Variants in SMOC2 observed in about 807,000 individuals in gnomAD.
SMOC2 encodes the protein SPARC related modular calcium binding 2, also known as SPARC-related modular calcium-binding protein 2.
SMOC2 carries 39 observed loss-of-function variants against 61.4 expected under a neutral mutation model. The observed-to-expected ratio is 0.64, with a 90% confidence interval of 0.49 to 0.83. The LOEUF (loss-of-function observed/expected upper bound fraction) is 0.83. Ranked by LOEUF, SMOC2 falls within the 40% of genes least tolerant of loss-of-function variation. The pLI is 0.00. For missense variants in SMOC2, 556 were observed against 592.9 expected (o/e 0.94, Z 0.65); for synonymous variants, 247 against 239.9 (o/e 1.03, Z -0.27).
chr6:168,662,010 T>C (rs1399017750), intron 11 of SMOC2, among the ~76,000 whole-genome samples: 2 of 152,242 alleles, frequency 1.3e-5, no homozygotes, highest in Non-Finnish European at 2.9e-5. Flanking sequence ...TCTGTTTCTA[T>C]TTGCGTTATG....
chr6:168,648,792 T>C (rs1392737113), intron 9 of SMOC2, among the ~76,000 whole-genome samples: 2 of 152,220 alleles, frequency 1.3e-5, no homozygotes, highest in African/African-American at 2.4e-5. Context: ...CCAGCATGAC[T>C]GTGGAGTCTT....
Position 168,596,738 on chromosome 6 carries a change from C to CA in SMOC2, c.638-2077dup, listed in dbSNP as rs1295463208. 2.0e-5 allele frequency among the ~76,000 whole-genome samples: 3 copies of CA among 152,256 alleles called. No homozygotes were observed. In the East Asian group the frequency reaches 5.8e-4, roughly 29 times the overall value. On this transcript the variant is annotated intron_variant, in intron 7 of 12. Coordinates refer to ENST00000356284, the MANE Select transcript of SMOC2 (RefSeq NM_001166412.2). Reference sequence around the variant, plus strand: ...TTACTGAGCAATTCAGAAAGAAATGCAAATCATCGTCCTTTTTATTTGTTA... The same window carrying CA: ...TTACTGAGCAATTCAGAAAGAAATGCAAAATCATCGTCCTTTTTATTTGTTA...
Position 168,486,603 on chromosome 6 carries a change from A to G in SMOC2, c.85-23312A>G, listed in dbSNP as rs201562416. ...ATTAATTTTGGAGTTGGCTCTGATG[A>G]CCTCCCTTCCCCAAGCCAGCACTGG... On this transcript the variant is annotated intron_variant, in intron 1 of 12. Transcript: ENST00000356284. Among the ~76,000 whole-genome samples, 21 of 149,152 alleles carry G rather than the reference A, an allele frequency of 1.4e-4. No individual in the cohort carries two copies. In the East Asian group the frequency reaches 4.2e-3, roughly 30 times the overall value.
chr6:168,545,169 T>C (rs989450935), intron 5 of SMOC2, among the ~76,000 whole-genome samples: 3 of 151,806 alleles, frequency 2.0e-5, no homozygotes, highest in African/African-American at 7.3e-5. Context: ...ATTAATCAAA[T>C]GTGGAAAGGG....
At chr6:168,644,886 G>C (rs1161140937) in intron 9 of SMOC2, among the ~76,000 whole-genome samples, 2 of 152,058 alleles carry the variant, frequency 1.3e-5, no homozygotes, top group African/African-American at 4.8e-5. Flanking sequence ...CTGACCTCAA[G>C]TGATCCACCC....
intron 1 of SMOC2, among the ~76,000 whole-genome samples, chr6:168,444,128 G>A (rs1821315980): frequency 6.6e-6 from 1 of 152,208 alleles, no homozygotes. Context: ...TTCACCTGCC[G>A]CAGATTCTCA....
chr6:168,549,339 C>T (rs925716153), intron 7 of SMOC2, 136 bp downstream of exon 7: 6 of 706,232 alleles, frequency 8.5e-6, no homozygotes, highest in Non-Finnish European at 1.4e-5. Flanking sequence ...AGACCTGGCA[C>T]AAACATCTGA....
chr6:168,610,268 G>A (rs1319463964), intron 9 of SMOC2, among the ~76,000 whole-genome samples: 3 of 152,174 alleles, frequency 2.0e-5, no homozygotes, highest in South Asian at 2.1e-4. Context: ...CACCTCAGAC[G>A]AAAACCAGAT....
At chr6:168,577,297 C>T (rs376378720) in intron 7 of SMOC2, among the ~76,000 whole-genome samples, 2 of 151,830 alleles carry the variant, frequency 1.3e-5, no homozygotes, top group South Asian at 2.1e-4. Context: ...CGTCTAAACG[C>T]GCTCTCTCTC....
chr6:168,529,478 C>G (rs1483136194), intron 4 of SMOC2, among the ~76,000 whole-genome samples: 1 of 152,240 alleles, frequency 6.6e-6, no homozygotes, highest in Non-Finnish European at 1.5e-5. Context: ...CCTTCTACCC[C>G]TGGTTCACCT....
chr6:168,489,363 A>G (rs1446971133), intron 1 of SMOC2, among the ~76,000 whole-genome samples: 77 of 131,754 alleles, frequency 5.8e-4, no homozygotes, highest in African/African-American at 9.1e-4. Flanking sequence ...ATATCAAATC[A>G]TCTGGGTCCC....
At chr6:168,502,885 G>C (rs911548277) in intron 1 of SMOC2, among the ~76,000 whole-genome samples, 8 of 151,734 alleles carry the variant, frequency 5.3e-5, no homozygotes, top group African/African-American at 1.9e-4. Flanking sequence ...TCCTGCCTCA[G>C]CCTCCTGAGT....
intron 8 of SMOC2, among the ~76,000 whole-genome samples, chr6:168,600,331 C>G (rs375270953): frequency 1.4e-5 from 2 of 139,668 alleles, no homozygotes; most frequent in African/African-American, 5.3e-5. Context: ...TGCTTGAATC[C>G]GGGAGGCGGA....
chr6:168,464,186 CAA>C (rs61434310), intron 1 of SMOC2, among the ~76,000 whole-genome samples: 31 of 112,356 alleles, frequency 2.8e-4, no homozygotes, highest in South Asian at 2.0e-3. Flanking sequence ...GCAAGACTGT[CAA>C]AAAAAAAAAA....
At chr6:168,565,787 C>T (rs1784527533) in intron 7 of SMOC2, among the ~76,000 whole-genome samples, 1 of 152,176 alleles carries the variant, frequency 6.6e-6, no homozygotes, top group African/African-American at 2.4e-5. Flanking sequence ...TCTAAGGTCC[C>T]AGCTGTCTTC....
chr6:168,599,108 TCACA>T lies in SMOC2; in HGVS notation c.824+112_824+115del, dbSNP rs372136471. 584 of 999,444 alleles carry T rather than the reference TCACA, an allele frequency of 5.8e-4. 4 individuals carry two copies. The African/African-American group carries it at 8.3e-3, about 14-fold the overall frequency. The allele number at this position is 999,444 out of a possible 1,614,324, so 61.9% of individuals were successfully genotyped here. The stretch of plus-strand genomic sequence containing the variant: ...TCCCCCAACACACACCGACACACAG[TCACA>T]CACACACTCACACTCACACACACTG... On this transcript the variant is annotated intron_variant, in intron 8 of 12. Coordinates refer to ENST00000356284, the MANE Select transcript of SMOC2 (RefSeq NM_001166412.2).
chr6:168,596,472 G>A (rs927599083), intron 7 of SMOC2, among the ~76,000 whole-genome samples: 3 of 138,514 alleles, frequency 2.2e-5, no homozygotes, highest in East Asian at 2.1e-4. Context: ...ACACGGCAGT[G>A]CTAAGTCTTC....
At chr6:168,601,257 T>C (rs1045308984) in intron 8 of SMOC2, among the ~76,000 whole-genome samples, 5 of 152,166 alleles carry the variant, frequency 3.3e-5, no homozygotes, top group Non-Finnish European at 5.9e-5. Context: ...GAGTCCTGCT[T>C]TGGGGAGTGT....
intron 2 of SMOC2, among the ~76,000 whole-genome samples, chr6:168,511,807 A>G (rs1050757751): frequency 3.8e-5 from 3 of 78,660 alleles, no homozygotes; most frequent in African/African-American, 1.1e-4. Context: ...ATTCATTATC[A>G]AGGGTTGTTT....
Sources: gnomAD v4.1 joint callset for allele counts (sites outside exome capture counted in the v4.1 genomes callset) on GRCh38, gnomAD v4.1.1 for gene constraint, MANE v1.5 for transcripts, NCBI Gene and HGNC (gene_info 2026-07-23, HGNC 2026-07-21) for gene names.